TBC1D5: variants seen among roughly 807,000 people sequenced by gnomAD.
TBC1D5 encodes the protein TBC1 domain family, member 5.
TBC1D5 carries 75 observed loss-of-function variants against 100.3 expected under a neutral mutation model. The observed-to-expected ratio is 0.75, with a 90% CI of 0.62 to 0.91. The LOEUF (loss-of-function observed/expected upper bound fraction) is 0.91, where lower values mean the gene tolerates loss of function less well. Ranked by LOEUF, TBC1D5 falls within the 40% of genes least tolerant of loss-of-function variation. TBC1D5 has a pLI of 0.00. For missense variants in TBC1D5, 910 were observed against 942.4 expected (o/e 0.97, Z 0.45); for synonymous variants, 323 against 325.6 (o/e 0.99, Z 0.09).
At chr3:17,295,651 G>A (rs564487807) in intron 14 of TBC1D5, among the ~76,000 whole-genome samples, 1 of 152,286 alleles carries the variant, frequency 6.6e-6, no homozygotes, top group Non-Finnish European at 1.5e-5. Flanking sequence ...CAATTGTAAT[G>A]TTTGTAAATA....
At chr3:17,261,240 AC>A (rs2078250233) in intron 15 of TBC1D5, among the ~76,000 whole-genome samples, 1 of 152,224 alleles carries the variant, frequency 6.6e-6, no homozygotes, top group African/African-American at 2.4e-5. Flanking sequence ...ATTTTGGAAT[AC>A]CATCTCACAC....
chr3:17,193,362 A>T (rs115050425), intron 18 of TBC1D5, among the ~76,000 whole-genome samples: 5,215 of 152,338 alleles, frequency 0.034, 301 homozygotes, highest in African/African-American at 0.12. Flanking sequence ...ATATCCCTAG[A>T]ATTGACAAAT....
chr3:17,602,424 T>C (rs2153595478), intron 2 of TBC1D5, among the ~76,000 whole-genome samples: 1 of 152,216 alleles, frequency 6.6e-6, no homozygotes, highest in South Asian at 2.1e-4. Flanking sequence ...AAAAGAAAGC[T>C]CTCTCTGAAA....
chr3:17,597,452 C>G lies in TBC1D5; in HGVS notation c.-36+26397G>C, dbSNP rs56998839. 8.8e-3 allele frequency among the ~76,000 whole-genome samples: 1,346 copies of G among 152,342 alleles called. 17 individuals are homozygous for G. The highest frequency in any genetic ancestry group is 0.03 in the African/African-American group (1,234 of 41,580). On this transcript the variant is annotated intron_variant, in intron 2 of 21. Transcript: ENST00000253692. ...AAGCTGGGATTTGAACCCAAGCAAT[C>G]TGACCCCAGTATCCATTTAGTCTTA...
chr3:17,615,332 G>C (rs534192256), intron 2 of TBC1D5, among the ~76,000 whole-genome samples: 1 of 152,212 alleles, frequency 6.6e-6, no homozygotes, highest in African/African-American at 2.4e-5. Context: ...CAGGGATATT[G>C]GTCTAAAATT....
At chr3:17,293,604 G>C (rs2081965565) in intron 14 of TBC1D5, among the ~76,000 whole-genome samples, 1 of 152,030 alleles carries the variant, frequency 6.6e-6, no homozygotes, top group Non-Finnish European at 1.5e-5. Context: ...TTAGTCACTG[G>C]GAAAACAACT....
At chr3:17,403,215 G>C in exon 8 of TBC1D5, 1 of 1,591,856 alleles carries the variant, frequency 6.3e-7, no homozygotes, top group Non-Finnish European at 8.6e-7. Flanking sequence ...ATTGATCGAA[G>C]TTCTTTATCT....
At chr3:17,318,883 A>T (rs1198602062) in intron 13 of TBC1D5, among the ~76,000 whole-genome samples, 1 of 152,192 alleles carries the variant, frequency 6.6e-6, no homozygotes, top group East Asian at 1.9e-4. Flanking sequence ...GATGAATCGC[A>T]ATCTGCTAGT....
At chr3:17,621,075 A>T (rs1233771953) in intron 2 of TBC1D5, among the ~76,000 whole-genome samples, 1 of 152,180 alleles carries the variant, frequency 6.6e-6, no homozygotes, top group East Asian at 1.9e-4. Flanking sequence ...ATACTGTTGG[A>T]AGCCAAGGTT....
chr3:17,582,412 A>AT (rs1342287726), intron 2 of TBC1D5, among the ~76,000 whole-genome samples: 3 of 152,232 alleles, frequency 2.0e-5, no homozygotes, highest in Non-Finnish European at 4.4e-5. Flanking sequence ...ACAACTCAGA[A>AT]AATTCATCTC....
intron 3 of TBC1D5, among the ~76,000 whole-genome samples, chr3:17,431,660 C>G (rs920067142): frequency 1.3e-5 from 2 of 151,928 alleles, no homozygotes; most frequent in Non-Finnish European, 2.9e-5. Context: ...TCATAATATT[C>G]AATGAAAATA....
chr3:17,160,406 C>T (rs2065929615), exon 22 of TBC1D5: 2 of 152,252 alleles, frequency 1.3e-5, no homozygotes, highest in South Asian at 2.1e-4. Flanking sequence ...GCCCTGGAAT[C>T]CACTAGTTCT....
chr3:17,603,592 C>T (rs752991352), intron 2 of TBC1D5, among the ~76,000 whole-genome samples: 19 of 152,096 alleles, frequency 1.2e-4, no homozygotes, highest in Non-Finnish European at 2.5e-4. Flanking sequence ...AGCATATGAT[C>T]GAGAAACAAC....
In TBC1D5 at chr3:17,713,188, AATAG is replaced by A. The variant is rs1203823839; in HGVS notation, c.-101+26151_-101+26154del. Among the ~76,000 whole-genome samples the A allele has an allele frequency of 2.0e-5, 3 of 152,210 alleles. No individual in the cohort carries two copies. In the East Asian group the frequency reaches 5.8e-4, roughly 29 times the overall value. ...CAAAAGTATAAATAACAACAGAAAA[AATAG>A]ATAAACTGGGTATCATCAAAATTTT... On this transcript the variant is annotated intron_variant, in intron 1 of 21. Coordinates refer to ENST00000253692, the Ensembl canonical transcript of TBC1D5.
intron 15 of TBC1D5, among the ~76,000 whole-genome samples, chr3:17,272,531 A>G (rs1008267356): frequency 6.6e-6 from 1 of 152,198 alleles, no homozygotes; most frequent in Non-Finnish European, 1.5e-5. Context: ...AGACCACATT[A>G]GTTCTTTTAC....
chr3:17,363,560 TTTTC>T (rs1284879526), intron 13 of TBC1D5, among the ~76,000 whole-genome samples: 5 of 151,662 alleles, frequency 3.3e-5, no homozygotes, highest in African/African-American at 9.7e-5. Flanking sequence ...TTTCTTTCCT[TTTTC>T]TTTCTTTTTT....
At chr3:17,162,327 T>C (rs1218241843) in intron 21 of TBC1D5, among the ~76,000 whole-genome samples, 1 of 152,232 alleles carries the variant, frequency 6.6e-6, no homozygotes, top group Non-Finnish European at 1.5e-5. Flanking sequence ...CTGTGCACTG[T>C]GTGCAGAGCC....
chr3:17,452,118 T>C (rs946150866), intron 3 of TBC1D5, among the ~76,000 whole-genome samples: 1 of 152,084 alleles, frequency 6.6e-6, no homozygotes, highest in African/African-American at 2.4e-5. Context: ...TATAAGATAG[T>C]ATTTATAAGC....
intron 2 of TBC1D5, among the ~76,000 whole-genome samples, chr3:17,613,208 C>A (rs2061830763): frequency 6.6e-6 from 1 of 152,160 alleles, no homozygotes; most frequent in East Asian, 1.9e-4. Context: ...CTGCAAAGGA[C>A]ATGAACTCAT....
Sources: allele counts gnomAD v4.1 joint callset (sites outside exome capture counted in the v4.1 genomes callset), GRCh38; gene constraint gnomAD v4.1.1; transcripts MANE v1.5; gene names NCBI Gene and HGNC (gene_info 2026-07-23, HGNC 2026-07-21).